The following PGCKA1 variants were observed in gnomAD, a reference collection of about 807,000 sequenced individuals.
PGCKA1 encodes the protein PDCD10 and GCKIII kinases-associated protein 1.
chr4:37,547,684 G>A, the PGCKA1 span, among the ~76,000 whole-genome samples: 1 of 152,034 alleles, frequency 6.6e-6, no homozygotes, highest in Non-Finnish European at 1.5e-5. Context: ...AATTACACCT[G>A]GTTTTAGACC....
At chr4:37,474,642 T>G in the PGCKA1 span, among the ~76,000 whole-genome samples, 1 of 152,208 alleles carries the variant, frequency 6.6e-6, no homozygotes, top group South Asian at 2.1e-4. Flanking sequence ...TAACATTCAT[T>G]GAGCACCTAC....
the PGCKA1 span, among the ~76,000 whole-genome samples, chr4:37,492,588 C>T: frequency 0.12 from 18,197 of 152,202 alleles, 1,235 homozygotes; most frequent in East Asian, 0.32. This position sits in a 1 kb window ranked among gnomAD's most constrained non-coding sequence, Gnocchi z 4.7. Context: ...CTTGGGTAAT[C>T]TCCCTATGCT....
chr4:37,573,922 G>A, the PGCKA1 span, among the ~76,000 whole-genome samples: 1,680 of 152,296 alleles, frequency 0.011, 9 homozygotes, highest in Middle Eastern at 0.024. Context: ...GGGTGCAGTG[G>A]CTCATGCCTA....
At chr4:37,504,543 A>G in the PGCKA1 span, among the ~76,000 whole-genome samples, 1 of 152,072 alleles carries the variant, frequency 6.6e-6, no homozygotes, top group Non-Finnish European at 1.5e-5. Context: ...ATCAATATTG[A>G]TTCAATCCAT....
At chr4:37,513,077 G>A in the PGCKA1 span, among the ~76,000 whole-genome samples, 1 of 126,572 alleles carries the variant, frequency 7.9e-6, no homozygotes, top group Admixed American at 8.4e-5. Flanking sequence ...CAAAAAGAGT[G>A]AAATGCCATC....
At chr4:37,464,944 A>G in the PGCKA1 span, among the ~76,000 whole-genome samples, 7 of 152,232 alleles carry the variant, frequency 4.6e-5, no homozygotes, top group Non-Finnish European at 8.8e-5. Flanking sequence ...ACTTATTTAC[A>G]TGCTGAAATG....
At chr4:37,480,613 C>G in the PGCKA1 span, among the ~76,000 whole-genome samples, 174 of 152,332 alleles carry the variant, frequency 1.1e-3, no homozygotes, top group Non-Finnish European at 1.9e-3. Flanking sequence ...TTGTCACAAG[C>G]TTGGAATGTT....
At chr4:37,490,071 G>T in the PGCKA1 span, among the ~76,000 whole-genome samples, 1 of 152,118 alleles carries the variant, frequency 6.6e-6, no homozygotes, top group Middle Eastern at 3.4e-3. Flanking sequence ...ATCAATCTAA[G>T]ATTCTTGTGA....
At chr4:37,523,915 T>C in the PGCKA1 span, among the ~76,000 whole-genome samples, 2 of 152,268 alleles carry the variant, frequency 1.3e-5, no homozygotes, top group East Asian at 1.9e-4. Flanking sequence ...TAATCCATCA[T>C]GGGAACTTCA....
the PGCKA1 span, among the ~76,000 whole-genome samples, chr4:37,505,328 T>C: frequency 6.6e-6 from 1 of 152,234 alleles, no homozygotes. Flanking sequence ...AGTATTTCTT[T>C]GAGGATTTTT....
chr4:37,567,671 TCTCA>T, the PGCKA1 span, among the ~76,000 whole-genome samples: 2 of 151,978 alleles, frequency 1.3e-5, no homozygotes, highest in Admixed American at 6.6e-5. Flanking sequence ...TCTCTTTCTC[TCTCA>T]CACACACACA....
the PGCKA1 span, among the ~76,000 whole-genome samples, chr4:37,555,228 C>G: frequency 6.6e-6 from 1 of 152,158 alleles, no homozygotes; most frequent in Admixed American, 6.5e-5. Context: ...CGTTCTGTTC[C>G]CCTTTCATAC....
the PGCKA1 span, chr4:37,590,613 A>C: frequency 3.7e-6 from 6 of 1,614,200 alleles, no homozygotes; most frequent in Non-Finnish European, 5.1e-6. Context: ...TACCAGCCCC[A>C]GATTACCTTC....
chr4:37,515,597 G>T, the PGCKA1 span, among the ~76,000 whole-genome samples: 1 of 152,150 alleles, frequency 6.6e-6, no homozygotes, highest in Non-Finnish European at 1.5e-5. Flanking sequence ...AGTATATTCT[G>T]ATATATTGTA....
chr4:37,569,785 T>A, the PGCKA1 span, among the ~76,000 whole-genome samples: 1 of 152,176 alleles, frequency 6.6e-6, no homozygotes, highest in African/African-American at 2.4e-5. Flanking sequence ...ATCTTTAATT[T>A]CTGTTGTTCC....
chr4:37,551,014 TA>T, the PGCKA1 span, among the ~76,000 whole-genome samples: 49,005 of 149,314 alleles, frequency 0.33, 8,332 homozygotes, highest in Middle Eastern at 0.41. Context: ...AATAGTACCA[TA>T]AAAAAAAAAC....
the PGCKA1 span, among the ~76,000 whole-genome samples, chr4:37,576,273 A>T: frequency 2.0e-5 from 3 of 152,068 alleles, no homozygotes; most frequent in African/African-American, 4.8e-5. Flanking sequence ...CCAACATTTT[A>T]TAGTCTTCAT....
At chr4:37,504,799 A>T in the PGCKA1 span, among the ~76,000 whole-genome samples, 1 of 152,188 alleles carries the variant, frequency 6.6e-6, no homozygotes, top group Non-Finnish European at 1.5e-5. Context: ...GAATTTGTTT[A>T]TCAGATCTAA....
At chr4:37,529,319 T>C in the PGCKA1 span, among the ~76,000 whole-genome samples, 11 of 152,184 alleles carry the variant, frequency 7.2e-5, no homozygotes, top group African/African-American at 2.7e-4. Flanking sequence ...CTAGTAAATC[T>C]TGTAATATTT....
Sources: gnomAD v4.1 joint callset for allele counts (sites outside exome capture counted in the v4.1 genomes callset) on GRCh38, gnomAD v4.1.1 for gene constraint, Gnocchi (gnomAD v3.1) non-coding constraint, MANE v1.5 for transcripts, NCBI Gene and HGNC (gene_info 2026-07-23, HGNC 2026-07-21) for gene names.